The following KLHL22 variants were observed in gnomAD, a reference collection of about 807,000 sequenced individuals.
KLHL22 encodes kelch like family member 22, also known as kelch-like protein 22.
Under a neutral mutation model 60.7 loss-of-function variants are expected in KLHL22, and 18 were observed. That is an observed-to-expected ratio of 0.30 (90% CI 0.20 to 0.44). KLHL22 has a LOEUF of 0.44. KLHL22 is among the 20% of genes least tolerant of loss of function. The pLI is 1.00. For synonymous variants in KLHL22, 355 were observed against 354.5 expected (o/e 1.00, Z -0.01); for missense variants, 596 against 852.3 (o/e 0.70, Z 3.74).
At chr22:20,480,892 C>T (rs1392921380) in intron 2 of KLHL22, among the ~76,000 whole-genome samples, 2 of 138,416 alleles carry the variant, frequency 1.4e-5, no homozygotes, top group Middle Eastern at 3.8e-3. Context: ...AATGCAGTGG[C>T]GCGATCTCGG....
intron 4 of KLHL22, among the ~76,000 whole-genome samples, chr22:20,463,220 C>T (rs527534369): frequency 1.3e-5 from 2 of 152,296 alleles, no homozygotes; most frequent in South Asian, 2.1e-4. Context: ...CAGGTCTTGC[C>T]GACCCCACTT....
At chr22:20,488,164 A>T (rs2053618048) in intron 2 of KLHL22, among the ~76,000 whole-genome samples, 1 of 152,184 alleles carries the variant, frequency 6.6e-6, no homozygotes, top group South Asian at 2.1e-4. Flanking sequence ...AGAGAGAGAG[A>T]GAGAACTACA....
intron 5 of KLHL22, among the ~76,000 whole-genome samples, chr22:20,452,025 C>T (rs866922510): frequency 6.6e-6 from 1 of 152,212 alleles, no homozygotes; most frequent in African/African-American, 2.4e-5. Context: ...GTAACAGATA[C>T]TCCAGGGAAA....
chr22:20,468,290 G>C (rs1437766077), intron 3 of KLHL22, among the ~76,000 whole-genome samples: 2 of 152,190 alleles, frequency 1.3e-5, no homozygotes, highest in Non-Finnish European at 2.9e-5. Context: ...AAGAAGCCTG[G>C]GCAGCAGCAG....
At chr22:20,461,426 G>A (rs953064602) in intron 4 of KLHL22, among the ~76,000 whole-genome samples, 2 of 151,402 alleles carry the variant, frequency 1.3e-5, no homozygotes, top group African/African-American at 2.4e-5. Flanking sequence ...GGTGGTGGGC[G>A]CTTGTAGTCC....
chr22:20,446,883 G>C (rs1418893536), intron 5 of KLHL22, among the ~76,000 whole-genome samples: 1 of 152,186 alleles, frequency 6.6e-6, no homozygotes, highest in African/African-American at 2.4e-5. Flanking sequence ...TCCCAATAGC[G>C]GATACATCTA....
chr22:20,476,785 T>G (rs2053422356), intron 2 of KLHL22, among the ~76,000 whole-genome samples: 2 of 147,276 alleles, frequency 1.4e-5, no homozygotes, highest in South Asian at 4.4e-4. Flanking sequence ...CTCGGCTCAC[T>G]GCAACCTCCG....
At chr22:20,490,000 A>C (rs933513198) in intron 1 of KLHL22, 11 of 354,858 alleles carry the variant, frequency 3.1e-5, no homozygotes, top group South Asian at 2.4e-4. Context: ...GGAGCCTCTA[A>C]AACCTAATCA....
In KLHL22 at chr22:20,465,385, C is replaced by G; in HGVS notation, c.585G>C (p.Lys195Asn). The change falls in exon 4 of 7, where the codon AAG becomes AAC. Residue 195 changes from lysine (K) to asparagine (N), a missense_variant. Lys to Asn is a moderately conservative substitution (Grantham distance 94). Transcript: ENST00000328879. This position sits in a 1 kb window ranked among gnomAD's most constrained non-coding sequence, Gnocchi z 4.9. ...TDKYRQLPLE[K>N]VYSLLSSNRL... ...GATTGCTGCTGAGGAGGGAGTAGACCTTCTCCAATGGAAGCTGGCGGTACT... is the reference window on the plus strand; with the variant it reads ...GATTGCTGCTGAGGAGGGAGTAGACGTTCTCCAATGGAAGCTGGCGGTACT... 6.2e-7 allele frequency: 1 copy of G among 1,614,124 alleles called. No homozygotes were observed. The highest frequency in any genetic ancestry group is 1.1e-5 in the South Asian group (1 of 91,082).
chr22:20,454,026 C>T (rs1002216588), intron 5 of KLHL22, among the ~76,000 whole-genome samples: 10 of 152,282 alleles, frequency 6.6e-5, no homozygotes, highest in South Asian at 2.1e-4. Flanking sequence ...TGAGCCACTG[C>T]GACCAGCAAT....
Position 20,465,301 on chromosome 22 carries a change from G to T in KLHL22, c.669C>A (p.Ser223Arg). 1 of 1,614,100 alleles carries T rather than the reference G, an allele frequency of 6.2e-7. No homozygotes were observed. Among genetic ancestry groups the T allele is most frequent in the Non-Finnish European group, 8.5e-7 (1 of 1,180,032 alleles). ...VYEGALLYHY[S>R]LEQVQADQIS... is the part of the protein sequence containing the mutation. The stretch of plus-strand genomic sequence containing the variant: ...TCTGGTCAGCCTGCACCTGCTCCAG[G>T]CTATAATGGTAGAGAAGGGCCCCCT... The change falls in exon 4 of 7, where the codon AGC becomes AGA. Residue 223 changes from serine (S) to arginine (R), a missense_variant. Ser to Arg is a moderately radical substitution (Grantham distance 110). Transcript: ENST00000328879. This position sits in a 1 kb window ranked among gnomAD's most constrained non-coding sequence, Gnocchi z 4.9.
At chr22:20,453,387 A>G (rs915284875) in intron 5 of KLHL22, among the ~76,000 whole-genome samples, 3 of 152,092 alleles carry the variant, frequency 2.0e-5, no homozygotes, top group Non-Finnish European at 4.4e-5. Context: ...TTGCTCCAGT[A>G]CTATTTGCTG....
rs574150860 is a variant in KLHL22 at position 20,443,583 on chromosome 22, A to G, written c.1540-1145T>C. On this transcript the variant is annotated intron_variant, in intron 6 of 6. Coordinates refer to ENST00000328879, the MANE Select transcript of KLHL22 (RefSeq NM_032775.4). Reference sequence around the variant, plus strand: ...GTGAAACCTCGTCTCTACTAAAAATACAAAAATCAGCTGGGCATGGTGGCA... The same window carrying G: ...GTGAAACCTCGTCTCTACTAAAAATGCAAAAATCAGCTGGGCATGGTGGCA... Among the ~76,000 whole-genome samples, 3 of 152,278 alleles carry G rather than the reference A, an allele frequency of 2.0e-5. No homozygotes were observed. The East Asian group carries it at 5.8e-4, about 29-fold the overall frequency.
chr22:20,460,002 T>G (rs547106525), intron 4 of KLHL22, among the ~76,000 whole-genome samples: 1 of 152,034 alleles, frequency 6.6e-6, no homozygotes, highest in African/African-American at 2.4e-5. Context: ...GTCTGAGACC[T>G]GCATGACCTG....
In KLHL22 at chr22:20,461,370, G is replaced by A. The variant is rs574202915; in HGVS notation, c.1113-3370C>T. ...AGATCAAGACCATCCTGGCTAACAC[G>A]GTGAAACCCCGTCTCTACTAAAAAT... is the stretch of plus-strand genomic sequence containing the variant. On this transcript the variant is annotated intron_variant, in intron 4 of 6. Transcript: ENST00000328879. Among the ~76,000 whole-genome samples, 66 of 151,688 alleles carry A rather than the reference G, an allele frequency of 4.4e-4. 1 individual carries two copies. In the South Asian group the frequency reaches 0.013, roughly 29 times the overall value.
intron 2 of KLHL22, chr22:20,483,257 T>C: frequency 1.4e-6 from 1 of 697,482 alleles, no homozygotes; most frequent in South Asian, 1.4e-5. Context: ...GTGGACTGCA[T>C]GGTGACCACT....
chr22:20,483,714 C>A, intron 2 of KLHL22: 2 of 736,474 alleles, frequency 2.7e-6, no homozygotes, highest in South Asian at 2.7e-5. Flanking sequence ...CCTCGATGGT[C>A]TTGAAGTAAT....
chr22:20,470,658 G>A (rs2053300716), intron 3 of KLHL22, among the ~76,000 whole-genome samples: 1 of 152,024 alleles, frequency 6.6e-6, no homozygotes. Flanking sequence ...CCAATAAATT[G>A]AATGAGTGGA....
intron 6 of KLHL22, among the ~76,000 whole-genome samples, 178 bp downstream of exon 6, chr22:20,446,264 TG>T (rs1393230596): frequency 6.6e-6 from 1 of 152,190 alleles, no homozygotes; most frequent in East Asian, 1.9e-4. Context: ...TATATGTGTA[TG>T]GGGGGAAAAG....
Sources: gnomAD v4.1 joint callset for allele counts (sites outside exome capture counted in the v4.1 genomes callset) on GRCh38, gnomAD v4.1.1 for gene constraint, Gnocchi (gnomAD v3.1) non-coding constraint, MANE v1.5 for transcripts, NCBI Gene and HGNC (gene_info 2026-07-23, HGNC 2026-07-21) for gene names.